Variants in AFDN observed in about 807,000 individuals in gnomAD.
The protein encoded by AFDN is afadin.
AFDN carries 68 observed loss-of-function variants against 216.6 expected under a neutral mutation model. The ratio of observed to expected loss-of-function variants is 0.31; its 90% CI spans 0.26 to 0.38. The LOEUF (loss-of-function observed/expected upper bound fraction) is 0.38, where lower values mean the gene tolerates loss of function less well. Ranked by LOEUF, AFDN falls within the 10% of genes least tolerant of loss-of-function variation. The pLI, the probability that AFDN is intolerant of heterozygous loss-of-function variation, is 1.00. For synonymous variants in AFDN, 868 were observed against 853.7 expected (o/e 1.02, Z -0.29); for missense variants, 2,136 against 2,342.0 (o/e 0.91, Z 1.82).
chr6:167,861,462 T>C (rs1004255569), intron 1 of AFDN, among the ~76,000 whole-genome samples: 2 of 152,210 alleles, frequency 1.3e-5, no homozygotes, highest in African/African-American at 4.8e-5. Context: ...AGTATCTCCT[T>C]ACTCCCTTGG....
In AFDN at chr6:167,878,072, G is replaced by GT. The variant is rs752585348; in HGVS notation, c.740-2277dup. 7.8e-3 allele frequency among the ~76,000 whole-genome samples: 1,143 copies of GT among 146,544 alleles called. 6 individuals are homozygous for GT. Among genetic ancestry groups the GT allele is most frequent in the African/African-American group, 0.013 (510 of 40,172 alleles). Reference sequence around the variant, plus strand: ...TACTCTACTACCATTTATTGTTATGGTTTTTTTTTTTCACTGATAAATTAA... The same window carrying GT: ...TACTCTACTACCATTTATTGTTATGGTTTTTTTTTTTTCACTGATAAATTAA... On this transcript the variant is annotated intron_variant, in intron 5 of 33. Coordinates refer to ENST00000683244, the MANE Select transcript of AFDN (RefSeq NM_001386888.1).
At chr6:167,860,831 T>G (rs1045656928) in intron 1 of AFDN, among the ~76,000 whole-genome samples, 6 of 152,240 alleles carry the variant, frequency 3.9e-5, no homozygotes, top group African/African-American at 1.4e-4. Flanking sequence ...ATGCCAGGCC[T>G]GTCTAGGTAG....
intron 13 of AFDN, among the ~76,000 whole-genome samples, chr6:167,910,652 A>G (rs1562654763): frequency 6.6e-6 from 1 of 152,224 alleles, no homozygotes; most frequent in Non-Finnish European, 1.5e-5. Context: ...ACCCTGTGTC[A>G]GCAGAGAAAG....
intron 1 of AFDN, among the ~76,000 whole-genome samples, chr6:167,856,383 G>A (rs765241933): frequency 9.2e-5 from 14 of 151,928 alleles, no homozygotes; most frequent in Non-Finnish European, 1.8e-4. Context: ...GGGGGGTCTT[G>A]GAACATGTTC....
intron 4 of AFDN, among the ~76,000 whole-genome samples, chr6:167,873,848 G>A (rs963470373): frequency 1.3e-5 from 2 of 152,144 alleles, no homozygotes; most frequent in African/African-American, 2.4e-5. Flanking sequence ...TTGATTCTAA[G>A]TGTCCTGTAT....
intron 1 of AFDN, chr6:167,863,624 T>C (rs866412123): frequency 2.1e-5 from 7 of 330,130 alleles, no homozygotes; most frequent in Middle Eastern, 3.9e-4. Context: ...ACAGTAAAAG[T>C]GACCTAGGAG....
At chr6:167,834,931 A>G (rs1382875653) in intron 1 of AFDN, among the ~76,000 whole-genome samples, 1 of 152,160 alleles carries the variant, frequency 6.6e-6, no homozygotes, top group Non-Finnish European at 1.5e-5. Flanking sequence ...GCAGTGACCT[A>G]TGAAGGAGCC....
Position 167,962,529 on chromosome 6 carries a change from CAGG to C in AFDN, c.4939_4941del (p.Glu1647del), listed in dbSNP as rs754849174. ...GAGGCAAGAGGAAGAGCGCCGGCGG[CAGG>C]AGGAGGAGCGAACAAAACGAGACGC... On this transcript the variant is annotated inframe_deletion, in exon 31 of 34. Coordinates refer to ENST00000683244, the MANE Select transcript of AFDN (RefSeq NM_001386888.1). The surrounding 1 kb of genome is among the most constrained non-coding windows in gnomAD (Gnocchi z 5.2). 1.2e-6 allele frequency: 2 copies of C among 1,613,732 alleles called. No individual in the cohort carries two copies. The highest frequency in any genetic ancestry group is 1.7e-6 in the Non-Finnish European group (2 of 1,179,820).
At chr6:167,866,355 G>A (rs1444223945) in intron 2 of AFDN, among the ~76,000 whole-genome samples, 2 of 152,140 alleles carry the variant, frequency 1.3e-5, no homozygotes, top group Non-Finnish European at 1.5e-5. Flanking sequence ...AGTGCCTCAG[G>A]TATGAGGAAA....
At chr6:167,903,878 G>T (rs1789306117) in intron 12 of AFDN, among the ~76,000 whole-genome samples, 1 of 152,188 alleles carries the variant, frequency 6.6e-6, no homozygotes, top group Admixed American at 6.5e-5. Flanking sequence ...CACGCATTTT[G>T]TCCTGTCTTA....
At chr6:167,832,605 TCAAATA>T (rs1398743608) in intron 1 of AFDN, among the ~76,000 whole-genome samples, 1 of 152,212 alleles carries the variant, frequency 6.6e-6, no homozygotes, top group Non-Finnish European at 1.5e-5. Flanking sequence ...GAGAGGTGGT[TCAAATA>T]CAAGCAGGAA....
chr6:167,964,552 T>A (rs1797341955), intron 31 of AFDN: 1 of 1,065,576 alleles, frequency 9.4e-7, no homozygotes, highest in South Asian at 4.6e-5. Context: ...TAATTGGGGC[T>A]GGCATTTATT....
At chr6:167,859,487 G>A (rs3800518) in intron 1 of AFDN, among the ~76,000 whole-genome samples, 135,357 of 152,232 alleles carry the variant, frequency 0.89, 60,341 homozygotes, top group Non-Finnish European at 0.92. Context: ...TGAAGTTAGC[G>A]TTGTTTTGCT....
chr6:167,956,145 A>G (rs915540862), intron 30 of AFDN, among the ~76,000 whole-genome samples: 1 of 148,324 alleles, frequency 6.7e-6, no homozygotes, highest in East Asian at 2.0e-4. Flanking sequence ...AAAAAACTAT[A>G]GAATTCTTTT....
chr6:167,845,119 C>T (rs969718663), intron 1 of AFDN, among the ~76,000 whole-genome samples: 13 of 152,176 alleles, frequency 8.5e-5, no homozygotes, highest in African/African-American at 2.9e-4. Context: ...GCCTTGGCCT[C>T]CCAAAATGCT....
intron 1 of AFDN, among the ~76,000 whole-genome samples, chr6:167,842,307 C>A (rs1233039070): frequency 6.6e-6 from 1 of 151,902 alleles, no homozygotes; most frequent in African/African-American, 2.4e-5. Flanking sequence ...TTCCTTATCT[C>A]CCTTAGTTGA....
intron 16 of AFDN, 157 bp from the exon 17 acceptor site, chr6:167,914,011 C>T (rs1790735652): frequency 1.5e-6 from 1 of 674,838 alleles, no homozygotes; most frequent in South Asian, 2.2e-5. Flanking sequence ...TATGTATGCA[C>T]CCAAATTATT....
intron 9 of AFDN, among the ~76,000 whole-genome samples, chr6:167,895,243 A>G (rs1788095793): frequency 1.3e-5 from 2 of 152,102 alleles, no homozygotes. Context: ...CTCTGGGAGT[A>G]GATAAGGGGG....
upstream of AFDN, chr6:167,826,709 C>T (rs1779083473): frequency 1.4e-5 from 6 of 437,438 alleles, no homozygotes; most frequent in Non-Finnish European, 2.7e-5. Flanking sequence ...CCCACCACCG[C>T]CAGTCCAGAC....
Sources: allele counts gnomAD v4.1 joint callset (sites outside exome capture counted in the v4.1 genomes callset), GRCh38; gene constraint gnomAD v4.1.1; non-coding constraint Gnocchi (gnomAD v3.1); transcripts MANE v1.5; gene names NCBI Gene and HGNC (gene_info 2026-07-23, HGNC 2026-07-21).